Variants in EEF2K observed in about 807,000 individuals in gnomAD.
EEF2K encodes eukaryotic elongation factor 2 kinase, also known as alternative protein EEF2K.
A neutral mutation model predicts 93.8 loss-of-function variants in EEF2K; 70 were observed. The ratio of observed to expected loss-of-function variants is 0.75; its 90% CI spans 0.62 to 0.91. The LOEUF (loss-of-function observed/expected upper bound fraction) is 0.91. Among genes scored for constraint, EEF2K ranks in the 40% least tolerant of loss-of-function variants. The pLI is 0.00. For synonymous variants in EEF2K, 376 were observed against 380.8 expected (o/e 0.99, Z 0.15); for missense variants, 935 against 972.9 (o/e 0.96, Z 0.52).
At chr16:22,278,997 A>C (rs1015386879) in intron 16 of EEF2K, among the ~76,000 whole-genome samples, 2 of 152,150 alleles carry the variant, frequency 1.3e-5, no homozygotes, top group African/African-American at 2.4e-5. Context: ...CCATTAGTGC[A>C]GATGGCTCTA....
intron 1 of EEF2K, among the ~76,000 whole-genome samples, chr16:22,215,714 C>T (rs1479925865): frequency 6.6e-6 from 1 of 152,086 alleles, no homozygotes; most frequent in African/African-American, 2.4e-5. Flanking sequence ...CACTTGAGGT[C>T]AGGAGTTCAA....
At chr16:22,233,211 A>G (rs1679955165) in intron 2 of EEF2K, among the ~76,000 whole-genome samples, 1 of 152,214 alleles carries the variant, frequency 6.6e-6, no homozygotes, top group African/African-American at 2.4e-5. Context: ...GTACACATAC[A>G]GCCAAGGCCT....
chr16:22,254,994 C>T (rs1308132277), intron 6 of EEF2K, among the ~76,000 whole-genome samples: 3 of 152,170 alleles, frequency 2.0e-5, no homozygotes, highest in African/African-American at 7.2e-5. Context: ...TTGCTTGAAC[C>T]TGGGAGGCAG....
At chr16:22,232,181 T>C (rs532813996) in intron 2 of EEF2K, among the ~76,000 whole-genome samples, 69 of 152,144 alleles carry the variant, frequency 4.5e-4, no homozygotes, top group Non-Finnish European at 7.8e-4. Context: ...GATGTCCTGG[T>C]CTATCAAAAT....
intron 4 of EEF2K, among the ~76,000 whole-genome samples, 189 bp from the exon 5 acceptor site, chr16:22,250,456 TCCTGGCAGC>T (rs1421493856): frequency 6.6e-6 from 1 of 152,086 alleles, no homozygotes; most frequent in East Asian, 1.9e-4. Flanking sequence ...TTCCTTGTCA[TCCTGGCAGC>T]CTCTGGGTTG....
At chr16:22,273,588 T>C in intron 15 of EEF2K, 38 bp from the exon 16 acceptor site, 1 of 1,610,502 alleles carries the variant, frequency 6.2e-7, no homozygotes. Flanking sequence ...GTAAGCCTCA[T>C]TCACTCTTCT....
chr16:22,210,597 T>G (rs1409394578), intron 1 of EEF2K, among the ~76,000 whole-genome samples: 5 of 152,168 alleles, frequency 3.3e-5, no homozygotes, highest in Non-Finnish European at 7.3e-5. Flanking sequence ...CGCACCAGCT[T>G]CAAACCCAAC....
rs746408835 is a variant in EEF2K at position 22,246,515 on chromosome 16, T to TAA, written c.347+1809_347+1810dup. On this transcript the variant is annotated intron_variant, in intron 3 of 17. Coordinates refer to ENST00000263026, the MANE Select transcript of EEF2K (RefSeq NM_013302.5). ...TGGGTGACAGAGTGAGACTCAGTCT[T>TAA]AAAAAAAAAAAAAAAAAAAAAAAAA... 1.6e-3 allele frequency among the ~76,000 whole-genome samples: 115 copies of TAA among 70,456 alleles called. 1 individual carries two copies. The highest frequency in any genetic ancestry group is 1.9e-3 in the Non-Finnish European group (73 of 37,448). The allele number at this position is 70,456 out of a possible 152,430, so 46.2% of individuals were successfully genotyped here. A position where few individuals can be genotyped will look rare whatever the true frequency, so the allele number is the denominator to read the frequency against.
rs546257442 is a variant in EEF2K, at chr16:22,207,869, A to G, written c.-77+1190A>G. On this transcript the variant is annotated intron_variant, in intron 1 of 17. Transcript: ENST00000263026. Reference sequence around the variant, plus strand: ...CTGTGTGTGTAAAGGGGAGAGGGTTATGGGGGAAGGCTTCCTGTAGCAAGT... The same window carrying G: ...CTGTGTGTGTAAAGGGGAGAGGGTTGTGGGGGAAGGCTTCCTGTAGCAAGT... Among the ~76,000 whole-genome samples the G allele has an allele frequency of 7.2e-5, 11 of 152,212 alleles. No individual in the cohort carries two copies. The South Asian group carries it at 2.3e-3, about 32-fold the overall frequency.
At chr16:22,263,889 A>G (rs911006201) in intron 12 of EEF2K, among the ~76,000 whole-genome samples, 4 of 152,152 alleles carry the variant, frequency 2.6e-5, no homozygotes, top group African/African-American at 9.7e-5. Context: ...GGTGAGGGCA[A>G]CCTCAGACAG....
chr16:22,234,430 G>C (rs936642843), intron 2 of EEF2K, among the ~76,000 whole-genome samples: 2 of 152,022 alleles, frequency 1.3e-5, no homozygotes, highest in African/African-American at 4.8e-5. Flanking sequence ...GGTGGTGTGA[G>C]ACTGTAGTCC....
At chr16:22,228,006 C>CTTT (rs1051682997) in intron 2 of EEF2K, among the ~76,000 whole-genome samples, 868 of 80,114 alleles carry the variant, frequency 0.011, 7 homozygotes, top group East Asian at 0.02. Flanking sequence ...AAACCAAATT[C>CTTT]TTTTTTTTTT....
At chr16:22,251,415 T>C in intron 6 of EEF2K, 93 bp downstream of exon 6, 1 of 1,383,206 alleles carries the variant, frequency 7.2e-7, no homozygotes, top group Non-Finnish European at 9.6e-7. Flanking sequence ...TATTTCACCT[T>C]CTTTTTTTTT....
intron 15 of EEF2K, among the ~76,000 whole-genome samples, chr16:22,272,039 C>T (rs1029789442): frequency 3.3e-5 from 5 of 152,174 alleles, no homozygotes; most frequent in Non-Finnish European, 4.4e-5. Context: ...AGGCATGACC[C>T]GCTTGTTAGT....
intron 8 of EEF2K, 90 bp from the exon 9 acceptor site, chr16:22,257,553 C>A: frequency 1.3e-6 from 2 of 1,563,636 alleles, no homozygotes; most frequent in East Asian, 2.2e-5. Context: ...ACGTTTTATA[C>A]CTGCCCTGGC....
At chr16:22,233,717 G>C (rs140382542) in intron 2 of EEF2K, among the ~76,000 whole-genome samples, 1 of 152,226 alleles carries the variant, frequency 6.6e-6, no homozygotes, top group East Asian at 1.9e-4. Context: ...TTCCTGATCT[G>C]AGAATATCTC....
At chr16:22,221,304 TAGTG>T (rs936664409) in intron 1 of EEF2K, among the ~76,000 whole-genome samples, 1 of 151,928 alleles carries the variant, frequency 6.6e-6, no homozygotes, top group African/African-American at 2.4e-5. Flanking sequence ...CTGGCCAACA[TAGTG>T]AGACTCTGTC....
At chr16:22,256,081 T>C (rs1252616365) in intron 6 of EEF2K, among the ~76,000 whole-genome samples, 1 of 151,694 alleles carries the variant, frequency 6.6e-6, no homozygotes, top group Non-Finnish European at 1.5e-5. Flanking sequence ...GCCCAGCTAA[T>C]TTTTGTATTT....
At chr16:22,280,494 G>A in intron 17 of EEF2K, 118 bp downstream of exon 17, 1 of 1,192,678 alleles carries the variant, frequency 8.4e-7, no homozygotes, top group Non-Finnish European at 1.1e-6. Context: ...CTTCCAGGGA[G>A]GGGAATTTAT....
Sources: gnomAD v4.1 joint callset for allele counts (sites outside exome capture counted in the v4.1 genomes callset) on GRCh38, gnomAD v4.1.1 for gene constraint, MANE v1.5 for transcripts, NCBI Gene and HGNC (gene_info 2026-07-23, HGNC 2026-07-21) for gene names.